KIF13B: variants seen among roughly 807,000 people sequenced by gnomAD.
The protein encoded by KIF13B is kinesin family member 13B.
In KIF13B, 127 loss-of-function variants were observed where a neutral mutation model predicts 222.0. The ratio of observed to expected loss-of-function variants is 0.57; its 90% CI spans 0.50 to 0.66. KIF13B has a LOEUF of 0.66. KIF13B is among the 30% of genes least tolerant of loss of function. The pLI is 0.00. For synonymous variants in KIF13B, 976 were observed against 919.0 expected, an observed-to-expected ratio of 1.06 and a Z score of -1.12; for missense variants, 2,173 against 2,379.0, an observed-to-expected ratio of 0.91 and a Z score of 1.80.
At chr8:29,113,611 T>C (rs1809458047) in intron 31 of KIF13B, 56 bp from the exon 32 acceptor site, 2 of 1,037,318 alleles carry the variant, frequency 1.9e-6, no homozygotes. Context: ...TGAGTTTACA[T>C]TAACAAAAGA....
At chr8:29,188,227 A>T (rs1457225358) in intron 5 of KIF13B, among the ~76,000 whole-genome samples, 2 of 152,152 alleles carry the variant, frequency 1.3e-5, no homozygotes, top group Non-Finnish European at 2.9e-5. Flanking sequence ...AAAAAGCATG[A>T]TCTATAGGCA....
intron 37 of KIF13B, among the ~76,000 whole-genome samples, chr8:29,078,101 G>A (rs1203402239): frequency 1.5e-5 from 2 of 129,434 alleles, no homozygotes; most frequent in African/African-American, 6.1e-5. Flanking sequence ...TGGCCAACAT[G>A]GTGAAACCGT....
intron 21 of KIF13B, among the ~76,000 whole-genome samples, chr8:29,134,617 A>G (rs1284757799): frequency 6.6e-6 from 1 of 152,236 alleles, no homozygotes; most frequent in South Asian, 2.1e-4. Flanking sequence ...GCGAATGAAG[A>G]ACAAAATCGG....
In KIF13B at chr8:29,124,072, G is replaced by A. The variant is rs1563721309; in HGVS notation, c.3304C>T (p.Arg1102Cys). ...RRKWLNALTK[R>C]QEYLDQQLQK... Reference sequence around the variant, plus strand: ...AATTGTTGATCCAAGTACTCCTGACGTTTTGTTAATGCATTTAGCCATTTT... The same window carrying A: ...AATTGTTGATCCAAGTACTCCTGACATTTTGTTAATGCATTTAGCCATTTT... The change falls in exon 27 of 40, where the codon CGT becomes TGT. Residue 1102 changes from arginine to cysteine, a missense_variant. Physicochemically the swap from Arg to Cys is radical, Grantham distance 180 (BLOSUM62 -3). Transcript: ENST00000524189. The A allele has an allele frequency of 3.7e-6, 6 of 1,613,240 alleles. No individual in the cohort carries two copies. The highest frequency in any genetic ancestry group is 5.1e-6 in the Non-Finnish European group (6 of 1,179,410).
intron 10 of KIF13B, among the ~76,000 whole-genome samples, chr8:29,175,449 G>A (rs1025859165): frequency 1.3e-5 from 2 of 152,146 alleles, no homozygotes; most frequent in African/African-American, 2.4e-5. Flanking sequence ...TTTTAAAATG[G>A]AGGCTACGTT....
intron 2 of KIF13B, among the ~76,000 whole-genome samples, chr8:29,199,616 A>C (rs1403701764): frequency 6.6e-6 from 1 of 151,742 alleles, no homozygotes; most frequent in African/African-American, 2.4e-5. Context: ...CAAATCCAAA[A>C]CACTTCCCAA....
chr8:29,257,632 C>T (rs1199590030), intron 1 of KIF13B, among the ~76,000 whole-genome samples: 1 of 152,050 alleles, frequency 6.6e-6, no homozygotes, highest in Non-Finnish European at 1.5e-5. Context: ...CAAAGTGAGA[C>T]CCTATCTCTA....
chr8:29,146,372 C>T lies in KIF13B; in HGVS notation c.2187+6G>A, dbSNP rs747410197. ...CTTTGTTTTTTTCAAGGAACGGCAA[C>T]CTCACCTTCCTGTTGGCATCCAGGC... is the stretch of plus-strand genomic sequence containing the variant. On this transcript the variant is annotated splice_donor_region_variant and intron_variant, in intron 18 of 39. Transcript: ENST00000524189. 2 of 1,613,664 alleles carry T rather than the reference C, an allele frequency of 1.2e-6. No individual in the cohort carries two copies. The highest frequency in any genetic ancestry group is 1.7e-6 in the Non-Finnish European group (2 of 1,179,722).
intron 35 of KIF13B, among the ~76,000 whole-genome samples, chr8:29,101,596 G>GA (rs1004942556): frequency 2.6e-5 from 4 of 152,194 alleles, no homozygotes; most frequent in African/African-American, 9.7e-5. Flanking sequence ...CTCAAATACT[G>GA]AAAGTGAGAA....
chr8:29,225,204 G>T (rs1349126549), intron 2 of KIF13B, among the ~76,000 whole-genome samples: 1 of 152,236 alleles, frequency 6.6e-6, no homozygotes, highest in Admixed American at 6.5e-5. Flanking sequence ...GGCCACATGT[G>T]GAGGACGGGA....
chr8:29,192,148 A>T (rs1813218763), intron 3 of KIF13B, among the ~76,000 whole-genome samples: 2 of 152,162 alleles, frequency 1.3e-5, no homozygotes, highest in African/African-American at 4.8e-5. Context: ...CAATGTCTCC[A>T]TCCCTTCCTA....
chr8:29,130,638 T>C lies in KIF13B; in HGVS notation c.2970A>G (p.Glu990=). 1.9e-6 allele frequency: 3 copies of C among 1,613,890 alleles called. No homozygotes were observed. Among genetic ancestry groups the C allele is most frequent in the Non-Finnish European group, 2.5e-6 (3 of 1,179,800 alleles). Residue 990 remains glutamate (E), a synonymous_variant, in exon 24 of 40, where the codon GAA becomes GAG. Coordinates refer to ENST00000524189, the MANE Select transcript of KIF13B (RefSeq NM_015254.4). ...DRWSEVTRKL[E]FWVQILEQNE... is the part of the protein sequence containing the mutation. Reference sequence around the variant, plus strand: ...TCTGTTCCAAGATTTGAACCCAGAATTCCAATTTCCTGGTCACTTCACTCC... The same window carrying C: ...TCTGTTCCAAGATTTGAACCCAGAACTCCAATTTCCTGGTCACTTCACTCC...
At chr8:29,127,675 C>G (rs947682950) in intron 24 of KIF13B, among the ~76,000 whole-genome samples, 1 of 152,110 alleles carries the variant, frequency 6.6e-6, no homozygotes, top group African/African-American at 2.4e-5. Context: ...CCTACATTTA[C>G]GAAACAATTT....
intron 2 of KIF13B, among the ~76,000 whole-genome samples, chr8:29,234,866 C>A (rs563625402): frequency 2.0e-5 from 3 of 152,024 alleles, no homozygotes; most frequent in Non-Finnish European, 2.9e-5. Context: ...CAGCTGGGAG[C>A]CGGAAGAGGG....
chr8:29,142,062 G>A, intron 19 of KIF13B, 95 bp downstream of exon 19: 1 of 987,238 alleles, frequency 1.0e-6, no homozygotes, highest in Non-Finnish European at 1.5e-6. Context: ...TATAATTTTG[G>A]AAAAAGAACA....
At chr8:29,166,977 G>A (rs567054279) in intron 11 of KIF13B, among the ~76,000 whole-genome samples, 2 of 152,176 alleles carry the variant, frequency 1.3e-5, no homozygotes, top group East Asian at 1.9e-4. Flanking sequence ...TTTTCATTCC[G>A]ACTTCTACCA....
At chr8:29,188,657 T>C (rs1452161818) in intron 4 of KIF13B, 50 bp from the exon 5 acceptor site, 1 of 1,163,004 alleles carries the variant, frequency 8.6e-7, no homozygotes, top group Non-Finnish European at 1.2e-6. Context: ...AAACTACATA[T>C]GAACAATTCA....
At chr8:29,145,918 T>C (rs1193256391) in intron 18 of KIF13B, 2 of 165,982 alleles carry the variant, frequency 1.2e-5, no homozygotes, top group Non-Finnish European at 2.6e-5. Context: ...AAAAAAAGTA[T>C]GATCCTGAAT....
chr8:29,191,060 G>A lies in KIF13B; in HGVS notation c.163-3C>T. The A allele has an allele frequency of 1.9e-6, 3 of 1,603,802 alleles. No homozygotes were observed. The highest frequency in any genetic ancestry group is 8.5e-7 in the Non-Finnish European group (1 of 1,174,050). On this transcript the variant is annotated splice_polypyrimidine_tract_variant and splice_region_variant and intron_variant, in intron 3 of 39. Transcript: ENST00000524189. The stretch of plus-strand genomic sequence containing the variant: ...AAACAATGATCATAAGCAAACACCT[G>A]TTGAAAATGAACATAAGTGTGTGTT...
Sources: allele counts gnomAD v4.1 joint callset (sites outside exome capture counted in the v4.1 genomes callset), GRCh38; gene constraint gnomAD v4.1.1; transcripts MANE v1.5; gene names NCBI Gene and HGNC (gene_info 2026-07-23, HGNC 2026-07-21).